GNL3L: variants seen among roughly 807,000 people sequenced by gnomAD.
GNL3L encodes G protein nucleolar 3 like, also known as guanine nucleotide-binding protein-like 3-like protein.
A neutral mutation model predicts 42.9 loss-of-function variants in GNL3L; 4 were observed. The observed-to-expected ratio is 0.09, with a 90% CI of 0.05 to 0.21. The LOEUF (loss-of-function observed/expected upper bound fraction) is 0.21. Ranked by LOEUF, GNL3L falls within the 10% of genes least tolerant of loss-of-function variation. The pLI is 1.00. For synonymous variants in GNL3L, 159 were observed against 176.3 expected (o/e 0.90, Z 0.78); for missense variants, 412 against 481.7 (o/e 0.86, Z 1.36).
intron 16 of GNL3L, among the ~76,000 whole-genome samples, chrX:54,615,185 G>A (rs1926207027): frequency 8.9e-6 from 1 of 112,056 alleles, no homozygotes; most frequent in Non-Finnish European, 1.9e-5. Context: ...GACCTTTTGT[G>A]TTTAGCTTCT....
chrX:54,643,237 A>G, the GNL3L span, among the ~76,000 whole-genome samples: 2 of 111,635 alleles, frequency 1.8e-5, no homozygotes, highest in Non-Finnish European at 3.8e-5. Flanking sequence ...GATGTCTTTT[A>G]GTGGTTATTT....
chrX:54,537,376 T>A (rs114303022), intron 2 of GNL3L, among the ~76,000 whole-genome samples: 2 of 110,863 alleles, frequency 1.8e-5, no homozygotes, highest in African/African-American at 6.6e-5. Context: ...ACCTCAAGCC[T>A]ATGTTCAACT....
intron 16 of GNL3L, among the ~76,000 whole-genome samples, chrX:54,608,041 A>G (rs1926118611): frequency 8.9e-6 from 1 of 112,087 alleles, no homozygotes; most frequent in Admixed American, 9.5e-5. Flanking sequence ...ATAAAATTCA[A>G]AAGCAGGCAA....
chrX:54,588,697 C>T (rs991110961), intron 16 of GNL3L, among the ~76,000 whole-genome samples: 16 of 111,401 alleles, frequency 1.4e-4, no homozygotes, highest in Non-Finnish European at 2.6e-4. Context: ...TGGTGGCACA[C>T]GCCTATAATC....
chrX:54,569,405 G>A (rs1393661003), downstream of GNL3L, among the ~76,000 whole-genome samples: 1 of 111,975 alleles, frequency 8.9e-6, no homozygotes, highest in African/African-American at 3.2e-5. Context: ...CTTCTTGTGT[G>A]AGGATTGGTA....
intron 2 of GNL3L, among the ~76,000 whole-genome samples, chrX:54,538,585 G>A (rs1924517258): frequency 9.0e-6 from 1 of 111,573 alleles, no homozygotes; most frequent in African/African-American, 3.3e-5. Context: ...AAGTCCCTTT[G>A]GAGGCAATGG....
intron 16 of GNL3L, among the ~76,000 whole-genome samples, chrX:54,611,420 G>A (rs1242617607): frequency 9.0e-6 from 1 of 111,125 alleles, no homozygotes; most frequent in Non-Finnish European, 1.9e-5. Flanking sequence ...TGTTTCTCTA[G>A]TTCCTTGAGG....
chrX:54,631,126 T>C, the GNL3L span, among the ~76,000 whole-genome samples: 3 of 111,405 alleles, frequency 2.7e-5, no homozygotes, highest in African/African-American at 9.8e-5. Flanking sequence ...TTTTCTTAAA[T>C]GTATTGAGAC....
chrX:54,606,848 C>T (rs1926067759), intron 16 of GNL3L, among the ~76,000 whole-genome samples: 1 of 109,336 alleles, frequency 9.1e-6, no homozygotes, highest in Admixed American at 9.8e-5. Context: ...GCTATGTTGC[C>T]TAGGCTGGTC....
At chrX:54,582,262 A>T (rs1402407353) in intron 16 of GNL3L, among the ~76,000 whole-genome samples, 1 of 111,547 alleles carries the variant, frequency 9.0e-6, no homozygotes. Flanking sequence ...ATTTCTGTAC[A>T]TGCTGGCTCC....
At chrX:54,598,630 A>C (rs1316457896) in intron 16 of GNL3L, among the ~76,000 whole-genome samples, 4 of 111,427 alleles carry the variant, frequency 3.6e-5, no homozygotes, top group Non-Finnish European at 7.5e-5. Context: ...ATAATGGAAA[A>C]ATTAGAAAAC....
chrX:54,630,655 CTCCTTCT>C, the GNL3L span, among the ~76,000 whole-genome samples: 1 of 49,435 alleles, frequency 2.0e-5, no homozygotes, highest in African/African-American at 1.0e-4. Context: ...GTTTTCTTTT[CTCCTTCT>C]TTCCTTCCTT....
At chrX:54,575,270 A>G (rs752383649) in intron 16 of GNL3L, among the ~76,000 whole-genome samples, 1 of 112,437 alleles carries the variant, frequency 8.9e-6, no homozygotes, top group Non-Finnish European at 1.9e-5. Flanking sequence ...ATTCAGCTCA[A>G]TATATTTTAA....
chrX:54,635,664 C>CATTGAT, the GNL3L span, among the ~76,000 whole-genome samples: 2 of 108,117 alleles, frequency 1.8e-5, no homozygotes, highest in Admixed American at 2.0e-4. Flanking sequence ...TGTGTGTAGT[C>CATTGAT]ATTGATATTT....
chrX:54,540,152 G>A lies in GNL3L; in HGVS notation c.99G>A (p.Gly33=), dbSNP rs1426072418. Residue 33 remains glycine (G), a synonymous_variant, in exon 4 of 16, where the codon GGG becomes GGA. Coordinates refer to ENST00000360845, the MANE Select transcript of GNL3L (RefSeq NM_001184819.2). ...WPYPQPAKQN[G]KKATSKVPSA... ...GTGGCCAGCCTGCAAAGCAAAATGGGAAGAAAGCAACCTCCAAAGTGCCCT... is the reference window on the plus strand; with the variant it reads ...GTGGCCAGCCTGCAAAGCAAAATGGAAAGAAAGCAACCTCCAAAGTGCCCT... 23 of 1,203,466 alleles carry A rather than the reference G, an allele frequency of 1.9e-5. No individual in the cohort carries two copies. The highest frequency in any genetic ancestry group is 2.5e-5 in the Non-Finnish European group (22 of 889,717).
At chrX:54,634,953 A>G in the GNL3L span, among the ~76,000 whole-genome samples, 15 of 107,308 alleles carry the variant, frequency 1.4e-4, no homozygotes, top group Non-Finnish European at 1.3e-4. Context: ...CACCATGCCA[A>G]GCTAATTTTT....
intron 16 of GNL3L, among the ~76,000 whole-genome samples, chrX:54,599,788 A>G (rs937439941): frequency 2.7e-5 from 3 of 110,191 alleles, no homozygotes; most frequent in African/African-American, 9.9e-5. Flanking sequence ...GATAATTTCT[A>G]CTGTTCAATG....
chrX:54,555,443 TG>T (rs1469206033), intron 14 of GNL3L, among the ~76,000 whole-genome samples: 1 of 109,261 alleles, frequency 9.2e-6, no homozygotes, highest in African/African-American at 3.3e-5. Flanking sequence ...CTCACTTACT[TG>T]GACATATGTC....
intron 16 of GNL3L, among the ~76,000 whole-genome samples, chrX:54,579,460 G>GCCACT (rs1925676783): frequency 8.9e-6 from 1 of 112,061 alleles, no homozygotes; most frequent in Non-Finnish European, 1.9e-5. Context: ...GGAGTACAGT[G>GCCACT]GCACAATTGG....
Sources: allele counts gnomAD v4.1 joint callset (sites outside exome capture counted in the v4.1 genomes callset), GRCh38; gene constraint gnomAD v4.1.1; transcripts MANE v1.5; gene names NCBI Gene and HGNC (gene_info 2026-07-23, HGNC 2026-07-21).